EYA3: variants seen among roughly 807,000 people sequenced by gnomAD.
EYA3 encodes the protein EYA transcriptional coactivator and phosphatase 3, also known as protein phosphatase EYA3.
A neutral mutation model predicts 80.0 loss-of-function variants in EYA3; 39 were observed. That is an observed-to-expected ratio of 0.49 (90% CI 0.38 to 0.64). The LOEUF (loss-of-function observed/expected upper bound fraction) is 0.64. Among genes scored for constraint, EYA3 ranks in the 30% least tolerant of loss-of-function variants. The pLI is 0.00. For missense variants in EYA3, 523 were observed against 676.1 expected, an observed-to-expected ratio of 0.77 and a Z score of 2.51; for synonymous variants, 206 against 232.8, an observed-to-expected ratio of 0.88 and a Z score of 1.05.
intron 6 of EYA3, chr1:28,032,189 T>C (rs1224279292): frequency 6.6e-6 from 1 of 152,238 alleles, no homozygotes; most frequent in East Asian, 1.9e-4. Context: ...GCTATACACA[T>C]ATTTTTAAAA....
intron 5 of EYA3, 76 bp downstream of exon 5, chr1:28,038,762 GA>G (rs1403856163): frequency 8.9e-6 from 7 of 785,832 alleles, no homozygotes; most frequent in Non-Finnish European, 1.4e-5. Context: ...TATTATTTTA[GA>G]GGAAAAATAA....
chr1:27,979,000 C>T (rs1394185277), intron 16 of EYA3, among the ~76,000 whole-genome samples: 2 of 152,134 alleles, frequency 1.3e-5, no homozygotes, highest in African/African-American at 4.8e-5. Flanking sequence ...TTATTTTAAC[C>T]TTCACGTTGA....
chr1:27,980,964 C>A (rs1571700971), intron 16 of EYA3, among the ~76,000 whole-genome samples: 1 of 152,112 alleles, frequency 6.6e-6, no homozygotes, highest in South Asian at 2.1e-4. Context: ...ATCGCTTGAG[C>A]GTGGGAAGGT....
At chr1:28,047,924 C>A (rs997040831) in intron 3 of EYA3, among the ~76,000 whole-genome samples, 1 of 152,116 alleles carries the variant, frequency 6.6e-6, no homozygotes, top group African/African-American at 2.4e-5. Flanking sequence ...CAGGCGTGAG[C>A]GACCGTGCCA....
intron 10 of EYA3, among the ~76,000 whole-genome samples, chr1:28,010,554 T>C (rs941405947): frequency 5.3e-5 from 8 of 151,982 alleles, no homozygotes; most frequent in Admixed American, 3.9e-4. Flanking sequence ...AATTCTTGTA[T>C]ATATATATTT....
At chr1:27,987,435 T>A (rs1046655067) in intron 16 of EYA3, among the ~76,000 whole-genome samples, 17 of 152,222 alleles carry the variant, frequency 1.1e-4, no homozygotes, top group African/African-American at 3.9e-4. Context: ...AGTGTGCAGG[T>A]ATCTCTTTGA....
At chr1:28,017,689 T>C (rs1642162091) in intron 7 of EYA3, among the ~76,000 whole-genome samples, 1 of 152,208 alleles carries the variant, frequency 6.6e-6, no homozygotes. Context: ...TAATACAACA[T>C]AATTACATGA....
chr1:27,999,866 T>C, intron 12 of EYA3, 94 bp downstream of exon 12: 1 of 926,774 alleles, frequency 1.1e-6, no homozygotes, highest in Non-Finnish European at 1.6e-6. Context: ...CCACCCTATC[T>C]AAACACATAT....
chr1:28,048,653 TTAC>T (rs1644125044), intron 2 of EYA3, among the ~76,000 whole-genome samples: 1 of 152,166 alleles, frequency 6.6e-6, no homozygotes, highest in Non-Finnish European at 1.5e-5. Context: ...AAAAAACTGT[TTAC>T]CAGAATTTTT....
intron 7 of EYA3, among the ~76,000 whole-genome samples, chr1:28,025,947 C>T (rs771175648): frequency 1.3e-5 from 2 of 152,038 alleles, no homozygotes; most frequent in South Asian, 2.1e-4. Flanking sequence ...TTAGTAGAGA[C>T]GGGGTTTCTC....
chr1:28,010,778 G>A, intron 10 of EYA3, 169 bp downstream of exon 10: 1 of 673,484 alleles, frequency 1.5e-6, no homozygotes, highest in Non-Finnish European at 2.4e-6. Flanking sequence ...AGAATAATTT[G>A]TTCTTTTTAC....
At chr1:27,982,039 C>T (rs1456456266) in intron 16 of EYA3, among the ~76,000 whole-genome samples, 1 of 141,454 alleles carries the variant, frequency 7.1e-6, no homozygotes, top group African/African-American at 2.6e-5. Context: ...CAGAGTCTTT[C>T]TCTGTTGCCC....
chr1:28,053,057 G>C (rs1644313187), intron 2 of EYA3, among the ~76,000 whole-genome samples: 1 of 147,470 alleles, frequency 6.8e-6, no homozygotes, highest in African/African-American at 2.5e-5. Context: ...AGGAGGGTGA[G>C]ATGGGAGGAT....
chr1:28,017,358 G>C (rs1008426524), intron 7 of EYA3, 119 bp from the exon 8 acceptor site: 4 of 697,420 alleles, frequency 5.7e-6, no homozygotes, highest in Non-Finnish European at 9.4e-6. Flanking sequence ...ATTGGCAAAG[G>C]AAACAAACAC....
chr1:28,062,270 G>A (rs1027470808), intron 1 of EYA3, among the ~76,000 whole-genome samples: 3 of 152,064 alleles, frequency 2.0e-5, no homozygotes, highest in Non-Finnish European at 4.4e-5. Context: ...ATTTTAAATT[G>A]AGAATAGAAA....
chr1:28,010,660 C>A, intron 10 of EYA3: 1 of 277,338 alleles, frequency 3.6e-6, no homozygotes, highest in East Asian at 8.9e-5. Flanking sequence ...TGTAAGCCAC[C>A]GCACCTGACC....
chr1:28,015,360 GTA>G (rs1281127024), intron 8 of EYA3, among the ~76,000 whole-genome samples: 6 of 152,166 alleles, frequency 3.9e-5, no homozygotes, highest in African/African-American at 1.4e-4. Flanking sequence ...TTAGGCAATA[GTA>G]TATAGCCTGT....
intron 17 of EYA3, among the ~76,000 whole-genome samples, chr1:27,975,185 T>C (rs1638873401): frequency 6.6e-6 from 1 of 150,770 alleles, no homozygotes. Context: ...CATATTTTAC[T>C]TTTTATTTTA....
At chr1:28,028,637 G>A (rs1642932467) in intron 6 of EYA3, among the ~76,000 whole-genome samples, 1 of 148,660 alleles carries the variant, frequency 6.7e-6, no homozygotes, top group Non-Finnish European at 1.5e-5. Context: ...GGCTGGTCTT[G>A]AACTCCAGGC....
Sources: gnomAD v4.1 joint callset for allele counts (sites outside exome capture counted in the v4.1 genomes callset) on GRCh38, gnomAD v4.1.1 for gene constraint, MANE v1.5 for transcripts, NCBI Gene and HGNC (gene_info 2026-07-23, HGNC 2026-07-21) for gene names.